Variants in LDLRAD4 observed in about 807,000 individuals in gnomAD.
LDLRAD4 encodes the protein low density lipoprotein receptor class A domain containing 4, also known as low-density lipoprotein receptor class A domain-containing protein 4.
A neutral mutation model predicts 17.0 loss-of-function variants in LDLRAD4; 5 were observed. The observed-to-expected ratio is 0.29, with a 90% CI of 0.15 to 0.62. LDLRAD4 has a LOEUF of 0.62. Ranked by LOEUF, LDLRAD4 falls within the 20% of genes least tolerant of loss-of-function variation. LDLRAD4 has a pLI of 0.84. For synonymous variants in LDLRAD4, 168 were observed against 171.8 expected, an observed-to-expected ratio of 0.98 and a Z score of 0.17; for missense variants, 340 against 424.7, an observed-to-expected ratio of 0.80 and a Z score of 1.75.
chr18:13,254,183 G>A (rs999283251), intron 1 of LDLRAD4, among the ~76,000 whole-genome samples: 3 of 152,232 alleles, frequency 2.0e-5, no homozygotes, highest in African/African-American at 7.2e-5. Flanking sequence ...GTCGCGCCGT[G>A]AAGGCAGAAG....
intron 1 of LDLRAD4, among the ~76,000 whole-genome samples, chr18:13,271,541 G>T (rs1014649991): frequency 1.8e-4 from 28 of 152,188 alleles, no homozygotes; most frequent in Admixed American, 1.8e-3. Flanking sequence ...TCTTCTCAGT[G>T]TTCTTCCCCT....
intron 1 of LDLRAD4, among the ~76,000 whole-genome samples, chr18:13,271,922 C>CGGA (rs1322104293): frequency 3.2e-5 from 3 of 94,958 alleles, no homozygotes; most frequent in African/African-American, 1.2e-4. Context: ...TTTTTTAAGA[C>CGGA]GGAGTCTTGC....
intron 3 of LDLRAD4, chr18:13,611,795 G>C: frequency 1.0e-6 from 1 of 985,738 alleles, no homozygotes; most frequent in South Asian, 4.7e-5. Context: ...AGCGAGCCGG[G>C]GGGAAAGGAG....
intron 3 of LDLRAD4, among the ~76,000 whole-genome samples, chr18:13,505,735 A>G (rs2116221): frequency 0.63 from 95,103 of 151,894 alleles, 30,554 homozygotes; most frequent in East Asian, 0.74. Context: ...GGAGAATGGC[A>G]TGAACCTGGG....
intron 3 of LDLRAD4, among the ~76,000 whole-genome samples, chr18:13,445,741 ATG>A (rs1445261733): frequency 1.4e-5 from 2 of 146,160 alleles, no homozygotes; most frequent in African/African-American, 2.6e-5. Context: ...AGGTGCATGT[ATG>A]TGTGTGGGTG....
chr18:13,530,725 C>A (rs1020851408), intron 3 of LDLRAD4, among the ~76,000 whole-genome samples: 1 of 152,156 alleles, frequency 6.6e-6, no homozygotes, highest in Non-Finnish European at 1.5e-5. Flanking sequence ...CATGCAGGGA[C>A]CCTGCCAGGG....
At chr18:13,496,543 G>A (rs1435748386) in intron 3 of LDLRAD4, among the ~76,000 whole-genome samples, 3 of 152,196 alleles carry the variant, frequency 2.0e-5, no homozygotes, top group Admixed American at 6.5e-5. Flanking sequence ...GGAGGAGATC[G>A]AAATTCAGCC....
chr18:13,644,965 T>C, intron 5 of LDLRAD4, 162 bp from the exon 7 acceptor site: 1 of 650,674 alleles, frequency 1.5e-6, no homozygotes, highest in Non-Finnish European at 2.6e-6. Flanking sequence ...AGTACACTTT[T>C]TTTTCTGGAA....
intron 1 of LDLRAD4, among the ~76,000 whole-genome samples, chr18:13,364,276 C>A (rs966061063): frequency 6.6e-6 from 1 of 152,018 alleles, no homozygotes; most frequent in Non-Finnish European, 1.5e-5. Flanking sequence ...ATTTTTTTCC[C>A]ACAGTGAACA....
At chr18:13,324,600 G>A (rs1180692370) in intron 1 of LDLRAD4, among the ~76,000 whole-genome samples, 1 of 152,170 alleles carries the variant, frequency 6.6e-6, no homozygotes, top group African/African-American at 2.4e-5. Context: ...CGTTGACTCT[G>A]AGGCCAGGCA....
intron 3 of LDLRAD4, among the ~76,000 whole-genome samples, chr18:13,493,695 G>A (rs2067044959): frequency 6.6e-6 from 1 of 152,204 alleles, no homozygotes; most frequent in African/African-American, 2.4e-5. Context: ...GAACCAAGAG[G>A]GGTGGAGATG....
intron 3 of LDLRAD4, among the ~76,000 whole-genome samples, chr18:13,517,553 G>A (rs2093885960): frequency 6.6e-6 from 1 of 152,208 alleles, no homozygotes. Context: ...TGTGTTCAGG[G>A]AGGGCGGCCC....
chr18:13,399,853 A>G (rs2087015553), intron 2 of LDLRAD4, among the ~76,000 whole-genome samples: 1 of 152,250 alleles, frequency 6.6e-6, no homozygotes, highest in Non-Finnish European at 1.5e-5. Context: ...TCCCTGCATG[A>G]TGAATTGTTC....
intron 2 of LDLRAD4, among the ~76,000 whole-genome samples, chr18:13,414,401 A>G (rs1346508387): frequency 6.6e-6 from 1 of 152,240 alleles, no homozygotes; most frequent in Non-Finnish European, 1.5e-5. Flanking sequence ...TGCAGTTGGC[A>G]TCTCTATTGT....
intron 3 of LDLRAD4, among the ~76,000 whole-genome samples, chr18:13,573,613 G>T (rs1279193661): frequency 6.6e-6 from 1 of 152,216 alleles, no homozygotes; most frequent in Non-Finnish European, 1.5e-5. Context: ...AAATCTAGGA[G>T]CATGCTGGGC....
intron 3 of LDLRAD4, among the ~76,000 whole-genome samples, chr18:13,555,787 ATAAT>A (rs1332957829): frequency 6.6e-6 from 1 of 152,220 alleles, no homozygotes; most frequent in African/African-American, 2.4e-5. Flanking sequence ...AAAGTATATA[ATAAT>A]TAAGGTATAG....
In LDLRAD4 at chr18:13,621,524, C is replaced by T. The variant is rs1203603522; in HGVS notation, c.336+253C>T. ...CTCCCAGGTCTCCCCTGGATCTTTG[C>T]TGCCCGACGTGGCTTTGCCAGCTTC... On this transcript the variant is annotated intron_variant, in intron 4 of 5. Coordinates refer to ENST00000359446, the Ensembl canonical transcript of LDLRAD4. This position sits in a 1 kb window ranked among gnomAD's most constrained non-coding sequence, Gnocchi z 5.5. 1.3e-5 allele frequency among the ~76,000 whole-genome samples: 2 copies of T among 152,256 alleles called. No homozygotes were observed. The highest frequency in any genetic ancestry group is 4.8e-5 in the African/African-American group (2 of 41,484).
At chr18:13,434,204 C>T (rs908723415) in intron 2 of LDLRAD4, among the ~76,000 whole-genome samples, 7 of 149,916 alleles carry the variant, frequency 4.7e-5, no homozygotes, top group Admixed American at 4.6e-4. Flanking sequence ...GTGTTTACAG[C>T]GATTCTAAAG....
At chr18:13,241,950 CTG>C (rs1214064246) in intron 1 of LDLRAD4, 1 of 152,262 alleles carries the variant, frequency 6.6e-6, no homozygotes, top group Non-Finnish European at 1.5e-5. Flanking sequence ...AGAGGTCAAA[CTG>C]GGGCGGGTTT....
Sources: allele counts gnomAD v4.1 joint callset (sites outside exome capture counted in the v4.1 genomes callset), GRCh38; gene constraint gnomAD v4.1.1; non-coding constraint Gnocchi (gnomAD v3.1); transcripts MANE v1.5; gene names NCBI Gene and HGNC (gene_info 2026-07-23, HGNC 2026-07-21).